Variants in KCNK13 observed in about 807,000 individuals in gnomAD.
KCNK13 encodes the protein potassium two pore domain channel subfamily K member 13.
Under a neutral mutation model 23.4 loss-of-function variants are expected in KCNK13, and 12 were observed. The observed-to-expected ratio is 0.51, with a 90% CI of 0.33 to 0.83. The LOEUF (loss-of-function observed/expected upper bound fraction) is 0.83, where lower values mean the gene tolerates loss of function less well. Among genes scored for constraint, KCNK13 ranks in the 40% least tolerant of loss-of-function variants. The pLI is 0.02. For missense variants in KCNK13, 463 were observed against 556.3 expected (o/e 0.83, Z 1.69); for synonymous variants, 231 against 229.5 (o/e 1.01, Z -0.06).
intron 1 of KCNK13, among the ~76,000 whole-genome samples, chr14:90,171,662 T>A (rs1396286111): frequency 6.6e-6 from 1 of 152,154 alleles, no homozygotes; most frequent in Non-Finnish European, 1.5e-5. Context: ...GCAGGAAGAA[T>A]GGAAGTGGGG....
At chr14:90,167,552 G>T (rs1010115544) in intron 1 of KCNK13, among the ~76,000 whole-genome samples, 1 of 152,138 alleles carries the variant, frequency 6.6e-6, no homozygotes, top group South Asian at 2.1e-4. Flanking sequence ...TGTAGGTAAG[G>T]CTCAGGAATC....
chr14:90,180,652 G>A (rs1384803120), intron 1 of KCNK13, among the ~76,000 whole-genome samples: 1 of 152,138 alleles, frequency 6.6e-6, no homozygotes, highest in Non-Finnish European at 1.5e-5. Context: ...AAAAAAATAA[G>A]ATAGAATCTA....
At chr14:90,063,024 G>C (rs1447554799) in intron 1 of KCNK13, among the ~76,000 whole-genome samples, 3 of 152,098 alleles carry the variant, frequency 2.0e-5, no homozygotes, top group Non-Finnish European at 2.9e-5. Context: ...GAAAAAATCA[G>C]AACAGCAGAC....
intron 1 of KCNK13, among the ~76,000 whole-genome samples, chr14:90,110,751 G>A (rs1389509869): frequency 2.0e-5 from 3 of 152,028 alleles, no homozygotes; most frequent in African/African-American, 7.2e-5. Flanking sequence ...GCTCACACCT[G>A]TAATCCCAGC....
chr14:90,159,051 G>T (rs1308914344), intron 1 of KCNK13, among the ~76,000 whole-genome samples: 1 of 152,238 alleles, frequency 6.6e-6, no homozygotes, highest in Non-Finnish European at 1.5e-5. Context: ...TGCAGTTCTG[G>T]GGCTGGAAAG....
intron 1 of KCNK13, among the ~76,000 whole-genome samples, chr14:90,159,615 G>A (rs1417741185): frequency 1.3e-5 from 2 of 152,212 alleles, no homozygotes; most frequent in Non-Finnish European, 2.9e-5. Flanking sequence ...CACTGTAGAT[G>A]TCAATCACAG....
chr14:90,107,216 A>T (rs186602573), intron 1 of KCNK13, among the ~76,000 whole-genome samples: 1 of 152,102 alleles, frequency 6.6e-6, no homozygotes, highest in East Asian at 1.9e-4. Flanking sequence ...ATGGTGGCTC[A>T]TGCCTGTAAT....
Position 90,116,863 on chromosome 14 carries a change from A to G in KCNK13, c.334+54324A>G, listed in dbSNP as rs919294041. On this transcript the variant is annotated intron_variant, in intron 1 of 1. Transcript: ENST00000282146. ...TAATTGAGGTGAAATGTGCATACAT[A>G]AATTAACCACGTCAAAATACAGTAA... is the stretch of plus-strand genomic sequence containing the variant. 3.2e-4 allele frequency among the ~76,000 whole-genome samples: 49 copies of G among 152,308 alleles called. 2 individuals are homozygous for G. The highest frequency in any genetic ancestry group is 1.2e-3 in the African/African-American group (48 of 41,562).
chr14:90,062,061 G>A lies in KCNK13; in HGVS notation c.-145G>A, dbSNP rs1014759634. The A allele has an allele frequency of 1.3e-5, 6 of 475,116 alleles. No homozygotes were observed. Among genetic ancestry groups the A allele is most frequent in the African/African-American group, 2.0e-5 (1 of 49,454 alleles). 29.4% of individuals were successfully genotyped at this position (475,116 alleles called of 1,614,324 possible). A position where few individuals can be genotyped will look rare whatever the true frequency, so the allele number is the denominator to read the frequency against. On this transcript the variant is annotated 5_prime_UTR_variant, in exon 1 of 2. Transcript: ENST00000282146. The surrounding 1 kb of genome is among the most constrained non-coding windows in gnomAD (Gnocchi z 4.5). The stretch of plus-strand genomic sequence containing the variant: ...GGCCGGGGGAGCCTCGCGGCCTGCG[G>A]GAGAGCCCGGCGGTCATGGGCGAGC...
chr14:90,184,826 G>T lies in KCNK13; in HGVS notation c.1050G>T (p.Lys350Asn), dbSNP rs1890530719. The T allele has an allele frequency of 6.2e-7, 1 of 1,613,818 alleles. No individual in the cohort carries two copies. Among genetic ancestry groups the T allele is most frequent in the Non-Finnish European group, 8.5e-7 (1 of 1,179,856 alleles). ...RRLSGEMISMKDLLAANKASL... is the reference protein window; with the variant it reads ...RRLSGEMISMNDLLAANKASL... ...TCTCAGGGGAGATGATCTCCATGAA[G>T]GACTTGCTGGCAGCCAACAAGGCCT... The change falls in exon 2 of 2, where the codon AAG becomes AAT. Residue 350 changes from lysine (K) to asparagine (N), a missense_variant. By Grantham distance (94) the Lys-to-Asn change is moderately conservative. This residue lies in a region of KCNK13 where 166 missense variants were observed against 178.8 expected (regional missense o/e 0.93). Transcript: ENST00000282146. The surrounding 1 kb of genome is among the most constrained non-coding windows in gnomAD (Gnocchi z 5.6).
chr14:90,168,642 G>C (rs1240516832), intron 1 of KCNK13, among the ~76,000 whole-genome samples: 1 of 152,164 alleles, frequency 6.6e-6, no homozygotes, highest in Non-Finnish European at 1.5e-5. Flanking sequence ...TCAACCTCCT[G>C]AATCAGACTA....
chr14:90,114,654 A>T (rs1889654549), intron 1 of KCNK13, among the ~76,000 whole-genome samples: 1 of 152,084 alleles, frequency 6.6e-6, no homozygotes, highest in African/African-American at 2.4e-5. Flanking sequence ...ATCTTTTTTC[A>T]TGTATGTTAA....
At chr14:90,149,569 G>A (rs1409318596) in intron 1 of KCNK13, among the ~76,000 whole-genome samples, 3 of 152,148 alleles carry the variant, frequency 2.0e-5, no homozygotes, top group Non-Finnish European at 2.9e-5. Flanking sequence ...GTATGCCCCC[G>A]TGATTCAATT....
chr14:90,183,868 G>A (rs894815524), intron 1 of KCNK13, among the ~76,000 whole-genome samples: 2 of 152,136 alleles, frequency 1.3e-5, no homozygotes, highest in Admixed American at 1.3e-4. Context: ...CCACCATGAG[G>A]ATGAGGTGCT....
chr14:90,074,673 T>C (rs777627177), intron 1 of KCNK13, among the ~76,000 whole-genome samples: 3 of 152,188 alleles, frequency 2.0e-5, no homozygotes, highest in Non-Finnish European at 4.4e-5. Context: ...TCCTGGTGTC[T>C]GTATTTATTT....
At chr14:90,172,639 G>GTTA (rs10626403) in intron 1 of KCNK13, among the ~76,000 whole-genome samples, 79,620 of 151,762 alleles carry the variant, frequency 0.52, 21,831 homozygotes, top group East Asian at 0.86. Context: ...TTGTTCTGGT[G>GTTA]TTATATGAGT....
At chr14:90,158,882 A>G (rs1890223308) in intron 1 of KCNK13, among the ~76,000 whole-genome samples, 2 of 152,212 alleles carry the variant, frequency 1.3e-5, no homozygotes, top group South Asian at 2.1e-4. Context: ...AGTAGTGTTG[A>G]TTAGCCAGGC....
intron 1 of KCNK13, among the ~76,000 whole-genome samples, chr14:90,092,031 C>T (rs554102093): frequency 1.3e-5 from 2 of 151,354 alleles, no homozygotes; most frequent in African/African-American, 2.4e-5. Flanking sequence ...ACGCCATTCT[C>T]CTGCCTCAGC....
intron 1 of KCNK13, among the ~76,000 whole-genome samples, chr14:90,101,993 C>T (rs551943899): frequency 1.3e-5 from 2 of 151,752 alleles, no homozygotes; most frequent in Non-Finnish European, 1.5e-5. Context: ...AAGCGATTCT[C>T]CTGCCTCAGC....
Sources: gnomAD v4.1 joint callset for allele counts (sites outside exome capture counted in the v4.1 genomes callset) on GRCh38, gnomAD v4.1.1 for gene constraint, gnomAD v4.1.1 regional missense constraint, Gnocchi (gnomAD v3.1) non-coding constraint, MANE v1.5 for transcripts, NCBI Gene and HGNC (gene_info 2026-07-23, HGNC 2026-07-21) for gene names.